Variants in PHLDB2 observed in about 807,000 individuals in gnomAD.
The protein encoded by PHLDB2 is pleckstrin homology like domain family B member 2.
Under a neutral mutation model 123.6 loss-of-function variants are expected in PHLDB2, and 71 were observed. That is an observed-to-expected ratio of 0.57 (90% CI 0.47 to 0.70). PHLDB2 has a LOEUF of 0.70. Ranked by LOEUF, PHLDB2 falls within the 30% of genes least tolerant of loss-of-function variation. PHLDB2 has a pLI of 0.00. For missense variants in PHLDB2, 1,446 were observed against 1,519.5 expected (o/e 0.95, Z 0.80); for synonymous variants, 547 against 541.6 (o/e 1.01, Z -0.14).
At chr3:111,739,829 C>T (rs1401171424) in intron 1 of PHLDB2, among the ~76,000 whole-genome samples, 1 of 152,024 alleles carries the variant, frequency 6.6e-6, no homozygotes, top group Non-Finnish European at 1.5e-5. Flanking sequence ...ACTGCATCCT[C>T]CAGGCCCCGA....
At chr3:111,877,781 A>G (rs1435166032) in intron 1 of PHLDB2, among the ~76,000 whole-genome samples, 7 of 152,204 alleles carry the variant, frequency 4.6e-5, no homozygotes, top group African/African-American at 1.7e-4. Context: ...AGTTTTCTGT[A>G]TATGGCTAGC....
chr3:111,834,739 C>G lies in PHLDB2; in HGVS notation c.-48-11082C>G, dbSNP rs534983321. Among the ~76,000 whole-genome samples the G allele has an allele frequency of 5.8e-4, 88 of 152,008 alleles. 1 individual carries two copies. Among genetic ancestry groups the G allele is most frequent in the Admixed American group, 2.3e-3 (35 of 15,236 alleles). ...TTTGGACTTGCTTTTCTTATTTTAACTTTTTCCTTGGTAGACTCAAACCCA... is the reference window on the plus strand; with the variant it reads ...TTTGGACTTGCTTTTCTTATTTTAAGTTTTTCCTTGGTAGACTCAAACCCA... On this transcript the variant is annotated intron_variant, in intron 1 of 17. Coordinates refer to the PHLDB2 transcript ENST00000393923.
chr3:111,744,752 A>G (rs2059655781), intron 1 of PHLDB2, among the ~76,000 whole-genome samples: 1 of 152,216 alleles, frequency 6.6e-6, no homozygotes, highest in Admixed American at 6.6e-5. Flanking sequence ...AAGCCTCACT[A>G]ATCTCATCTT....
chr3:111,916,846 A>G (rs1289891941), intron 3 of PHLDB2: 1 of 151,846 alleles, frequency 6.6e-6, no homozygotes, highest in Non-Finnish European at 1.5e-5. Flanking sequence ...GTGTGGATCA[A>G]GTTTCCCCAA....
intron 10 of PHLDB2, among the ~76,000 whole-genome samples, chr3:111,951,664 A>G (rs531350080): frequency 1.7e-4 from 26 of 152,306 alleles, no homozygotes; most frequent in African/African-American, 6.3e-4. Flanking sequence ...AGTGGTGGGA[A>G]TATGAATATC....
At chr3:111,788,744 G>A (rs986962750) in intron 1 of PHLDB2, among the ~76,000 whole-genome samples, 1 of 152,110 alleles carries the variant, frequency 6.6e-6, no homozygotes, top group African/African-American at 2.4e-5. Flanking sequence ...TAGGAGATTT[G>A]TTTTGCAATT....
chr3:111,924,527 C>T (rs1388590525), intron 5 of PHLDB2, among the ~76,000 whole-genome samples: 1 of 152,248 alleles, frequency 6.6e-6, no homozygotes, highest in African/African-American at 2.4e-5. Flanking sequence ...GCTGGGCTGC[C>T]CGTGTGCATA....
intron 12 of PHLDB2, among the ~76,000 whole-genome samples, chr3:111,954,759 A>G (rs934533798): frequency 3.3e-5 from 5 of 152,238 alleles, no homozygotes; most frequent in Non-Finnish European, 7.3e-5. Flanking sequence ...CAAATGAATG[A>G]TAGGAAGCTT....
chr3:111,816,727 A>G (rs2108370580), intron 1 of PHLDB2, among the ~76,000 whole-genome samples: 1 of 152,128 alleles, frequency 6.6e-6, no homozygotes, highest in African/African-American at 2.4e-5. Context: ...ACTTTGGGGG[A>G]CTGTTGGGAA....
intron 2 of PHLDB2, among the ~76,000 whole-genome samples, chr3:111,900,965 T>A (rs1577038578): frequency 6.6e-6 from 1 of 152,068 alleles, no homozygotes; most frequent in Non-Finnish European, 1.5e-5. Flanking sequence ...CAAGCGATCC[T>A]CCTGCCTCAG....
chr3:111,915,145 G>A (rs1266379451), intron 3 of PHLDB2: 1 of 152,062 alleles, frequency 6.6e-6, no homozygotes, highest in African/African-American at 2.4e-5. Context: ...CTTAATTGAT[G>A]CTTACTATTA....
chr3:111,790,112 T>C (rs1284800501), intron 1 of PHLDB2, among the ~76,000 whole-genome samples: 2 of 152,178 alleles, frequency 1.3e-5, no homozygotes, highest in African/African-American at 4.8e-5. Context: ...AGTCAGCTAC[T>C]AGGAAGTGGA....
chr3:111,935,361 G>A (rs2069411145), intron 6 of PHLDB2, among the ~76,000 whole-genome samples: 1 of 151,882 alleles, frequency 6.6e-6, no homozygotes, highest in African/African-American at 2.4e-5. Flanking sequence ...TACTGTCACT[G>A]GCTATAAAAT....
intron 5 of PHLDB2, 65 bp from the exon 6 acceptor site, chr3:111,932,204 T>G (rs2069187124): frequency 3.3e-6 from 5 of 1,498,990 alleles, no homozygotes; most frequent in Non-Finnish European, 4.5e-6. Flanking sequence ...TGAGAAATGT[T>G]CACTAGCACC....
At chr3:111,869,412 C>G (rs1192932275) in intron 1 of PHLDB2, among the ~76,000 whole-genome samples, 1 of 151,778 alleles carries the variant, frequency 6.6e-6, no homozygotes, top group Non-Finnish European at 1.5e-5. Flanking sequence ...GTCTTCCTTA[C>G]TTCTTCTTTT....
chr3:111,732,606 C>T (rs1447890475), exon 1 of PHLDB2: 2 of 1,533,316 alleles, frequency 1.3e-6, no homozygotes, highest in Non-Finnish European at 1.7e-6. Context: ...TCCCAACATC[C>T]CACTCTCTTC....
intron 2 of PHLDB2, among the ~76,000 whole-genome samples, chr3:111,894,179 C>T (rs1043792963): frequency 3.3e-5 from 5 of 149,380 alleles, no homozygotes; most frequent in African/African-American, 4.9e-5. Context: ...TTTGTTCTTG[C>T]GATAGTTTAC....
intron 6 of PHLDB2, among the ~76,000 whole-genome samples, chr3:111,935,719 A>T (rs1274127947): frequency 6.7e-6 from 1 of 148,988 alleles, no homozygotes; most frequent in African/African-American, 2.5e-5. Context: ...AGGCTAGGCC[A>T]GTCTAGTCTT....
intron 2 of PHLDB2, among the ~76,000 whole-genome samples, chr3:111,900,786 T>C (rs1182947283): frequency 1.3e-5 from 2 of 152,168 alleles, no homozygotes; most frequent in Non-Finnish European, 2.9e-5. Flanking sequence ...TTGTAAAAAA[T>C]GTACTATCTG....
Sources: allele counts gnomAD v4.1 joint callset (sites outside exome capture counted in the v4.1 genomes callset), GRCh38; gene constraint gnomAD v4.1.1; transcripts MANE v1.5; gene names NCBI Gene and HGNC (gene_info 2026-07-23, HGNC 2026-07-21).